The following ATE1 variants were observed in gnomAD, a reference collection of about 807,000 sequenced individuals.
ATE1 encodes the protein arginyltransferase 1, also known as arginyl-tRNA--protein transferase 1.
A neutral mutation model predicts 70.5 loss-of-function variants in ATE1; 36 were observed. The observed-to-expected ratio is 0.51, with a 90% CI of 0.39 to 0.67. The LOEUF (loss-of-function observed/expected upper bound fraction) is 0.67, where lower values mean the gene tolerates loss of function less well. ATE1 is among the 30% of genes least tolerant of loss of function. The probability of loss-of-function intolerance (pLI) is 0.00; values close to 1 mark genes in which losing one functional copy is unlikely to be tolerated. For synonymous variants in ATE1, 232 were observed against 219.3 expected (o/e 1.06, Z -0.51); for missense variants, 593 against 629.5 (o/e 0.94, Z 0.62).
At chr10:121,836,936 C>T (rs1032321447) in intron 9 of ATE1, 119 bp from the exon 10 acceptor site, 5 of 635,986 alleles carry the variant, frequency 7.9e-6, no homozygotes, top group East Asian at 6.2e-5. Flanking sequence ...CAAAAAATTA[C>T]AAATATTGAA....
intron 5 of ATE1, 39 bp from the exon 6 acceptor site, chr10:121,902,659 G>C (rs1006347973): frequency 1.3e-6 from 2 of 1,539,050 alleles, no homozygotes; most frequent in Non-Finnish European, 1.8e-6. Context: ...ATCACATTTG[G>C]TTCTAGAAAA....
At chr10:121,825,552 G>A (rs1020224747) in intron 10 of ATE1, among the ~76,000 whole-genome samples, 1 of 152,104 alleles carries the variant, frequency 6.6e-6, no homozygotes, top group African/African-American at 2.4e-5. Flanking sequence ...TCTGACAAAC[G>A]AAACATGTGA....
rs368045773 is a variant in ATE1, at chr10:121,743,865, C to A, written c.1379-7G>T. On this transcript the variant is annotated splice_region_variant and splice_polypyrimidine_tract_variant and intron_variant, in intron 11 of 11. Transcript: ENST00000224652. ...GTACTGCGATCCTCATCCACTGCAA[C>A]GACAAAAAATACTGATTTGTAAAAT... is the stretch of plus-strand genomic sequence containing the variant. 4.5e-6 allele frequency: 7 copies of A among 1,567,384 alleles called. No individual in the cohort carries two copies. In the Admixed American group the frequency reaches 5.9e-5, roughly 13 times the overall value.
chr10:121,857,146 A>C (rs1295313130), intron 8 of ATE1, among the ~76,000 whole-genome samples: 1 of 152,132 alleles, frequency 6.6e-6, no homozygotes, highest in Non-Finnish European at 1.5e-5. Flanking sequence ...TCAGAGAGTA[A>C]AGATGCAGGT....
intron 7 of ATE1, among the ~76,000 whole-genome samples, chr10:121,889,814 TAA>T (rs895010373): frequency 7.0e-6 from 1 of 142,842 alleles, no homozygotes; most frequent in Admixed American, 7.0e-5. Context: ...CCTTGTCTCT[TAA>T]AAAAAAAAAA....
At chr10:121,859,513 C>A (rs1167223312) in intron 8 of ATE1, among the ~76,000 whole-genome samples, 1 of 152,036 alleles carries the variant, frequency 6.6e-6, no homozygotes, top group Non-Finnish European at 1.5e-5. Context: ...GCCTCGGCCT[C>A]CCAAAGTGCT....
intron 10 of ATE1, among the ~76,000 whole-genome samples, chr10:121,802,156 G>A (rs758212673): frequency 6.6e-6 from 1 of 152,102 alleles, no homozygotes; most frequent in Non-Finnish European, 1.5e-5. Flanking sequence ...TTTTGCCAAA[G>A]CTCTCCAGTC....
chr10:121,839,998 CAGTG>C (rs2133778856), intron 9 of ATE1, among the ~76,000 whole-genome samples: 1 of 152,196 alleles, frequency 6.6e-6, no homozygotes, highest in Non-Finnish European at 1.5e-5. Context: ...CAATAGTAAA[CAGTG>C]AGAAAAAGAG....
chr10:121,766,160 A>C (rs757472839), intron 11 of ATE1, among the ~76,000 whole-genome samples: 6 of 152,244 alleles, frequency 3.9e-5, no homozygotes, highest in Non-Finnish European at 8.8e-5. Context: ...AACTTGGATC[A>C]GATTTTATAA....
At chr10:121,820,487 T>C (rs1947750675) in intron 10 of ATE1, among the ~76,000 whole-genome samples, 1 of 152,374 alleles carries the variant, frequency 6.6e-6, no homozygotes, top group Admixed American at 6.5e-5. Context: ...CTCTTCATTG[T>C]GTTTTAATCA....
intron 8 of ATE1, among the ~76,000 whole-genome samples, chr10:121,863,366 GC>G (rs1949545640): frequency 1.3e-5 from 2 of 149,282 alleles, no homozygotes; most frequent in Admixed American, 6.8e-5. Context: ...CGATTCTCCT[GC>G]CTCAGCCTCC....
chr10:121,806,505 C>T (rs905598258), intron 10 of ATE1, among the ~76,000 whole-genome samples: 1 of 152,012 alleles, frequency 6.6e-6, no homozygotes, highest in Non-Finnish European at 1.5e-5. Context: ...TTGATTAAAC[C>T]CAGGATTGAG....
At chr10:121,744,881 T>C (rs1260087717) in intron 11 of ATE1, among the ~76,000 whole-genome samples, 1 of 152,206 alleles carries the variant, frequency 6.6e-6, no homozygotes, top group Non-Finnish European at 1.5e-5. Context: ...AAGCATCTTT[T>C]CCAAAGGATA....
intron 7 of ATE1, chr10:121,898,941 T>G: frequency 6.2e-7 from 1 of 1,613,784 alleles, no homozygotes; most frequent in African/African-American, 1.3e-5. Context: ...GAACTCTGGG[T>G]CCTCAAAGGA....
At chr10:121,874,420 CAAAT>C (rs1564916375) in intron 7 of ATE1, among the ~76,000 whole-genome samples, 1 of 152,108 alleles carries the variant, frequency 6.6e-6, no homozygotes, top group Non-Finnish European at 1.5e-5. Context: ...TCATTGCAGA[CAAAT>C]AAAACCTTCA....
intron 11 of ATE1, among the ~76,000 whole-genome samples, chr10:121,760,868 T>C (rs528482595): frequency 2.0e-5 from 3 of 152,302 alleles, no homozygotes; most frequent in East Asian, 1.9e-4. Context: ...TTTTAAGAAA[T>C]TGCCACAGCC....
rs554265701 is a variant in ATE1, at chr10:121,874,655, G to A, written c.943-4617C>T. On this transcript the variant is annotated intron_variant, in intron 7 of 11. Transcript: ENST00000224652. Reference sequence around the variant, plus strand: ...CAACGTAGCAGAAAGGATTGTTTGTGCTACCTCTTCTGATTACATTTGGCA... The same window carrying A: ...CAACGTAGCAGAAAGGATTGTTTGTACTACCTCTTCTGATTACATTTGGCA... 5.3e-5 allele frequency among the ~76,000 whole-genome samples: 8 copies of A among 152,264 alleles called. No individual in the cohort carries two copies. In the South Asian group the frequency reaches 6.2e-4, roughly 12 times the overall value.
intron 8 of ATE1, among the ~76,000 whole-genome samples, chr10:121,842,935 T>C (rs1453573209): frequency 6.6e-6 from 1 of 152,056 alleles, no homozygotes; most frequent in Non-Finnish European, 1.5e-5. Context: ...AAGGATATCC[T>C]CTCTCATCAC....
chr10:121,879,018 A>T (rs1439372270), intron 7 of ATE1, among the ~76,000 whole-genome samples: 2 of 152,242 alleles, frequency 1.3e-5, no homozygotes, highest in African/African-American at 2.4e-5. Context: ...TAAGGTGACA[A>T]ATAGGTGTTT....
Sources: allele counts gnomAD v4.1 joint callset (sites outside exome capture counted in the v4.1 genomes callset), GRCh38; gene constraint gnomAD v4.1.1; transcripts MANE v1.5; gene names NCBI Gene and HGNC (gene_info 2026-07-23, HGNC 2026-07-21).